Variants in PCDHGA10 observed in about 807,000 individuals in gnomAD.
PCDHGA10 encodes protocadherin gamma subfamily A, 10, also known as protocadherin gamma-A10.
In PCDHGA10, 42 loss-of-function variants were observed where a neutral mutation model predicts 59.5. The ratio of observed to expected loss-of-function variants is 0.71; its 90% CI spans 0.55 to 0.91. PCDHGA10 has a LOEUF of 0.91. Ranked by LOEUF, PCDHGA10 falls within the 40% of genes least tolerant of loss-of-function variation. The pLI is 0.00. For missense variants in PCDHGA10, 1,111 were observed against 1,198.2 expected, an observed-to-expected ratio of 0.93 and a Z score of 1.07; for synonymous variants, 511 against 517.2, an observed-to-expected ratio of 0.99 and a Z score of 0.16.
At chr5:141,417,892 C>T (rs550343206) in intron 1 of PCDHGA10, 13 of 1,570,660 alleles carry the variant, frequency 8.3e-6, no homozygotes, top group African/African-American at 5.4e-5. Flanking sequence ...GGCGCCGGGC[C>T]GGCCCGCGGC....
At chr5:141,446,922 T>G (rs939249512) in intron 1 of PCDHGA10, among the ~76,000 whole-genome samples, 1 of 152,220 alleles carries the variant, frequency 6.6e-6, no homozygotes, top group Non-Finnish European at 1.5e-5. Context: ...TTTATCTTCC[T>G]GATCTCTTTT....
intron 1 of PCDHGA10, chr5:141,419,944 C>T (rs1375807568): frequency 6.2e-7 from 1 of 1,614,066 alleles, no homozygotes; most frequent in South Asian, 1.1e-5. Flanking sequence ...TGGTGGTGGC[C>T]TTGGCCTTGA....
At chr5:141,427,280 A>G (rs1351534612) in intron 1 of PCDHGA10, 3 of 456,834 alleles carry the variant, frequency 6.6e-6, no homozygotes, top group Non-Finnish European at 8.8e-6. Context: ...GTAAAATTAT[A>G]CTAGAAATCC....
chr5:141,477,553 A>T lies in PCDHGA10; in HGVS notation c.2437-17254A>T, dbSNP rs1478806410. 6.2e-7 allele frequency: 1 copy of T among 1,614,090 alleles called. No homozygotes were observed. Among genetic ancestry groups the T allele is most frequent in the Admixed American group, 1.7e-5 (1 of 60,028 alleles). On this transcript the variant is annotated intron_variant, in intron 1 of 3. Coordinates refer to ENST00000398610, the MANE Select transcript of PCDHGA10 (RefSeq NM_018913.3). The surrounding 1 kb of genome is among the most constrained non-coding windows in gnomAD (Gnocchi z 4.9). ...TCCCCGGGGCTCCAATACTAAACCT[A>T]AGTGTCTGGGACCCCGACGCCCCGC...
rs373424450 is a variant in PCDHGA10, at chr5:141,450,829, AT to A, written c.2436+35231del. 1.1e-3 allele frequency among the ~76,000 whole-genome samples: 154 copies of A among 135,102 alleles called. 1 individual carries two copies. Among genetic ancestry groups the A allele is most frequent in the South Asian group, 8.9e-3 (38 of 4,254 alleles). 88.6% of individuals were successfully genotyped at this position (135,102 alleles called of 152,430 possible). ...TTATTTATTTAATATTATTATTATTATTTTTTTTTTTTTGAGATGGGGTCTT... is the reference window on the plus strand; with the variant it reads ...TTATTTATTTAATATTATTATTATTATTTTTTTTTTTTGAGATGGGGTCTT... On this transcript the variant is annotated intron_variant, in intron 1 of 3. Transcript: ENST00000398610.
intron 1 of PCDHGA10, chr5:141,427,774 G>C: frequency 7.0e-7 from 1 of 1,420,908 alleles, no homozygotes; most frequent in Non-Finnish European, 9.8e-7. Context: ...TTGGAGCTGC[G>C]GGCACTGTCG....
rs758579068 is a variant in PCDHGA10, at chr5:141,485,232, T to C, written c.2437-9575T>C. 6.2e-7 allele frequency: 1 copy of C among 1,614,136 alleles called. No individual in the cohort carries two copies. The highest frequency in any genetic ancestry group is 8.5e-7 in the Non-Finnish European group (1 of 1,180,016). Reference sequence around the variant, plus strand: ...TGGCGGTGGGCTACCCTTTTGTTCCTCTTTTACCACCTGGGTTACGTTTGT... The same window carrying C: ...TGGCGGTGGGCTACCCTTTTGTTCCCCTTTTACCACCTGGGTTACGTTTGT... On this transcript the variant is annotated intron_variant, in intron 1 of 3. Coordinates refer to ENST00000398610, the MANE Select transcript of PCDHGA10 (RefSeq NM_018913.3). This position sits in a 1 kb window ranked among gnomAD's most constrained non-coding sequence, Gnocchi z 5.7.
intron 1 of PCDHGA10, chr5:141,478,553 T>G (rs1593930915): frequency 6.2e-7 from 1 of 1,602,704 alleles, no homozygotes; most frequent in Non-Finnish European, 8.5e-7. Context: ...ACAGGTAAGG[T>G]TTAGCAAGTC....
chr5:141,486,421 G>A lies in PCDHGA10; in HGVS notation c.2437-8386G>A, dbSNP rs772631503. ...TGACTGCTGGACCCTTGGATCGAGA[G>A]GCCAAATCTAGCTATGACATCATGG... On this transcript the variant is annotated intron_variant, in intron 1 of 3. Coordinates refer to ENST00000398610, the MANE Select transcript of PCDHGA10 (RefSeq NM_018913.3). This position sits in a 1 kb window ranked among gnomAD's most constrained non-coding sequence, Gnocchi z 5.0. 2.5e-6 allele frequency: 4 copies of A among 1,614,152 alleles called. No homozygotes were observed. In the East Asian group the frequency reaches 6.7e-5, roughly 27 times the overall value.
Position 141,511,030 on chromosome 5 carries a change from C to A in PCDHGA10, c.2668C>A (p.Gln890Lys). 9 of 1,614,224 alleles carry A rather than the reference C, an allele frequency of 5.6e-6. No individual in the cohort carries two copies. Among genetic ancestry groups the A allele is most frequent in the Non-Finnish European group, 7.6e-6 (9 of 1,180,032 alleles). Residue 890 changes from glutamine (Q) to lysine (K), a missense_variant, in exon 4 of 4, where the codon CAG (glutamine) becomes AAG (lysine). Transcript: ENST00000398610. ...SARYGPQFTLQHVPDYRQNVY... is the reference protein window; with the variant it reads ...SARYGPQFTLKHVPDYRQNVY... ...CCGCTACGGACCCCAGTTCACCCTGCAGCACGTGCCCGACTACCGCCAGAA... is the reference window on the plus strand; with the variant it reads ...CCGCTACGGACCCCAGTTCACCCTGAAGCACGTGCCCGACTACCGCCAGAA...
At chr5:141,434,875 A>G (rs2097725018) in intron 1 of PCDHGA10, among the ~76,000 whole-genome samples, 1 of 151,990 alleles carries the variant, frequency 6.6e-6, no homozygotes, top group African/African-American at 2.4e-5. Flanking sequence ...TGTGACAGAT[A>G]CCAACAACAA....
chr5:141,499,533 G>T (rs2099792525), intron 2 of PCDHGA10, among the ~76,000 whole-genome samples: 1 of 152,086 alleles, frequency 6.6e-6, no homozygotes, highest in African/African-American at 2.4e-5. Flanking sequence ...AGAGAGAATG[G>T]TGTCATGAAC....
intron 1 of PCDHGA10, among the ~76,000 whole-genome samples, chr5:141,464,132 G>A (rs1432411937): frequency 6.6e-6 from 1 of 152,076 alleles, no homozygotes; most frequent in Non-Finnish European, 1.5e-5. Flanking sequence ...GGGTGTGGTG[G>A]TGGGCGCCTG....
chr5:141,504,937 G>A (rs1350441435), intron 2 of PCDHGA10, among the ~76,000 whole-genome samples: 2 of 152,054 alleles, frequency 1.3e-5, no homozygotes, highest in East Asian at 1.9e-4. Context: ...GGTGGGTGGG[G>A]GAATGCACTA....
intron 3 of PCDHGA10, 122 bp downstream of exon 3, chr5:141,505,603 G>A (rs900982128): frequency 6.5e-7 from 1 of 1,534,594 alleles, no homozygotes; most frequent in African/African-American, 1.4e-5. Flanking sequence ...TCTTTCGGCA[G>A]GTCTGAAAGG....
intron 1 of PCDHGA10, among the ~76,000 whole-genome samples, chr5:141,456,052 C>T (rs2098841739): frequency 1.3e-5 from 2 of 151,970 alleles, no homozygotes; most frequent in South Asian, 4.1e-4. Flanking sequence ...CGCCCACCAC[C>T]ACGTCCGGCT....
Position 141,486,087 on chromosome 5 carries a change from T to G in PCDHGA10, c.2437-8720T>G. 4 of 1,614,176 alleles carry G rather than the reference T, an allele frequency of 2.5e-6. No individual in the cohort carries two copies. The highest frequency in any genetic ancestry group is 3.4e-6 in the Non-Finnish European group (4 of 1,180,028). ...CCCACTACTGGAAAGCTTACTCTTT[T>G]GGGGCCCCTAGACTTTGAGAGTGAG... On this transcript the variant is annotated intron_variant, in intron 1 of 3. Coordinates refer to ENST00000398610, the MANE Select transcript of PCDHGA10 (RefSeq NM_018913.3). This position sits in a 1 kb window ranked among gnomAD's most constrained non-coding sequence, Gnocchi z 5.0.
At chr5:141,481,811 G>A (rs1050821120) in intron 1 of PCDHGA10, among the ~76,000 whole-genome samples, 1 of 151,892 alleles carries the variant, frequency 6.6e-6, no homozygotes. Context: ...AATTCACCAG[G>A]CGTGGTGGCT....
intron 3 of PCDHGA10, among the ~76,000 whole-genome samples, chr5:141,505,926 G>T (rs114056147): frequency 6.6e-6 from 1 of 152,146 alleles, no homozygotes; most frequent in African/African-American, 2.4e-5. Flanking sequence ...TGGGCCTGGC[G>T]CTTGGAAGCC....
Sources: gnomAD v4.1 joint callset for allele counts (sites outside exome capture counted in the v4.1 genomes callset) on GRCh38, gnomAD v4.1.1 for gene constraint, Gnocchi (gnomAD v3.1) non-coding constraint, MANE v1.5 for transcripts, NCBI Gene and HGNC (gene_info 2026-07-23, HGNC 2026-07-21) for gene names.